The following HYDIN variants were observed in gnomAD, a reference collection of about 807,000 sequenced individuals.
HYDIN encodes HYDIN axonemal central pair apparatus protein.
A neutral mutation model predicts 403.9 loss-of-function variants in HYDIN; 132 were observed. That is an observed-to-expected ratio of 0.33 (90% CI 0.28 to 0.38). HYDIN has a LOEUF of 0.38. Among genes scored for constraint, HYDIN ranks in the 10% least tolerant of loss-of-function variants. The pLI is 1.00. For synonymous variants in HYDIN, 1,202 were observed against 1,891.7 expected (o/e 0.64, Z 9.46); for missense variants, 2,827 against 5,009.5 (o/e 0.56, Z 13.15).
chr16:71,134,339 C>A (rs1209295386), intron 8 of HYDIN, among the ~76,000 whole-genome samples: 1 of 151,834 alleles, frequency 6.6e-6, no homozygotes, highest in African/African-American at 2.4e-5. Context: ...TGAAAGTTTA[C>A]CAGAAGTTAA....
rs576222532 is a variant in HYDIN at position 70,820,193 on chromosome 16, T to C, written c.14428-1621A>G. Among the ~76,000 whole-genome samples the C allele has an allele frequency of 7.6e-4, 97 of 127,658 alleles. 1 individual carries two copies. The highest frequency in any genetic ancestry group is 1.8e-3 in the East Asian group (8 of 4,474). The allele number at this position is 127,658 out of a possible 152,430, so 83.7% of individuals were successfully genotyped here. On this transcript the variant is annotated intron_variant, in intron 83 of 85. Coordinates refer to ENST00000393567, the MANE Select transcript of HYDIN (RefSeq NM_001270974.2). Reference sequence around the variant, plus strand: ...TGATTTTTTTTTCTTTTTTCTTTTTTTTTTTTTTTTTTTTTGAGATGGAGT... The same window carrying C: ...TGATTTTTTTTTCTTTTTTCTTTTTCTTTTTTTTTTTTTTTGAGATGGAGT...
chr16:70,914,223 T>C (rs1435624416), intron 47 of HYDIN, among the ~76,000 whole-genome samples: 1 of 152,150 alleles, frequency 6.6e-6, no homozygotes, highest in Non-Finnish European at 1.5e-5. Context: ...TATTTTTGTT[T>C]TATAGGTCCT....
At chr16:70,853,357 G>T (rs2038794546) in intron 73 of HYDIN, among the ~76,000 whole-genome samples, 1 of 147,388 alleles carries the variant, frequency 6.8e-6, no homozygotes, top group African/African-American at 2.5e-5. Flanking sequence ...TCCATTAATT[G>T]CACTCTTGCT....
intron 83 of HYDIN, among the ~76,000 whole-genome samples, chr16:70,824,646 A>G (rs2036474798): frequency 6.7e-6 from 1 of 149,726 alleles, no homozygotes; most frequent in African/African-American, 2.5e-5. Context: ...TCTTGCCTCA[A>G]TATGGGGTTT....
chr16:70,985,640 C>G (rs995747869), intron 27 of HYDIN, among the ~76,000 whole-genome samples: 3 of 149,520 alleles, frequency 2.0e-5, no homozygotes, highest in Admixed American at 6.7e-5. Flanking sequence ...AAAGATTTGC[C>G]TAGTATTCCA....
At chr16:70,877,187 G>A (rs1254222474) in intron 62 of HYDIN, among the ~76,000 whole-genome samples, 1 of 147,502 alleles carries the variant, frequency 6.8e-6, no homozygotes, top group Non-Finnish European at 1.5e-5. Flanking sequence ...AAAATATAGT[G>A]AGACTAGAGA....
intron 50 of HYDIN, among the ~76,000 whole-genome samples, chr16:70,906,514 T>C (rs117764644): frequency 0.052 from 7,832 of 152,010 alleles, 243 homozygotes; most frequent in Middle Eastern, 0.075. Flanking sequence ...CACTGTGTTG[T>C]CTCAAGGAGC....
chr16:71,190,971 A>C (rs1344930157), intron 1 of HYDIN, among the ~76,000 whole-genome samples: 1 of 152,152 alleles, frequency 6.6e-6, no homozygotes, highest in Non-Finnish European at 1.5e-5. Context: ...CATGAAAGAG[A>C]GAGGAGCAGG....
intron 20 of HYDIN, among the ~76,000 whole-genome samples, chr16:71,026,291 A>T (rs1381318274): frequency 3.3e-5 from 5 of 152,220 alleles, no homozygotes; most frequent in African/African-American, 1.2e-4. Context: ...TTTATAAAGC[A>T]GAAAGGATCA....
chr16:71,047,625 T>C (rs1253576182), intron 18 of HYDIN, among the ~76,000 whole-genome samples: 3 of 151,532 alleles, frequency 2.0e-5, no homozygotes, highest in African/African-American at 7.3e-5. Flanking sequence ...GGCAAAAGAA[T>C]AGATGCCCAC....
rs893811660 is a variant in HYDIN at position 70,805,096 on chromosome 16, C to T, written c.*2484G>A. 6.6e-6 allele frequency among the ~76,000 whole-genome samples: 1 copy of T among 152,208 alleles called. No individual in the cohort carries two copies. Among genetic ancestry groups the T allele is most frequent in the Non-Finnish European group, 1.5e-5 (1 of 68,026 alleles). ...GACCAATTGCTTCCCTTCTCCTAAC[C>T]TATACCTCTGGTGAATAGGTGGAAG... is the stretch of plus-strand genomic sequence containing the variant. On this transcript the variant is annotated 3_prime_UTR_variant, in exon 86 of 86. Coordinates refer to ENST00000393567, the MANE Select transcript of HYDIN (RefSeq NM_001270974.2).
intron 18 of HYDIN, among the ~76,000 whole-genome samples, chr16:71,055,931 A>C (rs2144251484): frequency 1.3e-5 from 2 of 152,168 alleles, no homozygotes; most frequent in South Asian, 4.2e-4. Context: ...GCACCCATTA[A>C]AAGGAGGCAT....
At chr16:70,907,170 A>T (rs1951788689) in intron 50 of HYDIN, among the ~76,000 whole-genome samples, 1 of 152,250 alleles carries the variant, frequency 6.6e-6, no homozygotes, top group African/African-American at 2.4e-5. Flanking sequence ...AGGCTTTCCC[A>T]TATGGGAACA....
Position 70,816,355 on chromosome 16 carries a change from T to C in HYDIN, c.14658+1987A>G, listed in dbSNP as rs1038896298. ...TAATAACCATTAGTTAAAAAAGAAG[T>C]ATTAATCACAAAAATTAGAACCTTT... On this transcript the variant is annotated intron_variant, in intron 84 of 85. Transcript: ENST00000393567. 1.2e-4 allele frequency among the ~76,000 whole-genome samples: 18 copies of C among 151,744 alleles called. No individual in the cohort carries two copies. The East Asian group carries it at 2.3e-3, about 20-fold the overall frequency.
At chr16:70,853,172 CTCTG>C (rs1191261004) in intron 73 of HYDIN, among the ~76,000 whole-genome samples, 2 of 152,110 alleles carry the variant, frequency 1.3e-5, no homozygotes, top group Admixed American at 6.5e-5. Context: ...CAGAGCGAGA[CTCTG>C]TCTAAGAATA....
At chr16:71,047,704 AT>A (rs1306356103) in intron 18 of HYDIN, among the ~76,000 whole-genome samples, 2 of 148,324 alleles carry the variant, frequency 1.3e-5, no homozygotes, top group Non-Finnish European at 3.0e-5. Context: ...TAAATGATAT[AT>A]TTTTCCTTTT....
chr16:70,890,112 TG>T lies in HYDIN; in HGVS notation c.9657-409del, dbSNP rs1203042047. ...TGTATCTTCACATTTATAGTTGTGA[TG>T]TTTTTAAGGTTTAGTATAAGCAGTA... is the stretch of plus-strand genomic sequence containing the variant. On this transcript the variant is annotated intron_variant, in intron 57 of 85. Coordinates refer to ENST00000393567, the MANE Select transcript of HYDIN (RefSeq NM_001270974.2). Among the ~76,000 whole-genome samples, 4 of 152,270 alleles carry T rather than the reference TG, an allele frequency of 2.6e-5. No individual in the cohort carries two copies. In the South Asian group the frequency reaches 6.2e-4, roughly 24 times the overall value.
intron 21 of HYDIN, among the ~76,000 whole-genome samples, chr16:71,023,899 G>C (rs59574088): frequency 0.35 from 53,681 of 151,722 alleles, 11,178 homozygotes; most frequent in Non-Finnish European, 0.47. Flanking sequence ...GGTAATGAAA[G>C]GAACCCCAGT....
At position 70,870,482 on chromosome 16, in the gene HYDIN, G is replaced by C. The variant is rs539100440; in HGVS notation, c.11091+1555C>G. Reference sequence around the variant, plus strand: ...AGAGCTCTGCATCCCAGCCACTCTGGTCATGGCTAAAAGGGGCCAAGGTGT... The same window carrying C: ...AGAGCTCTGCATCCCAGCCACTCTGCTCATGGCTAAAAGGGGCCAAGGTGT... On this transcript the variant is annotated intron_variant, in intron 65 of 85. Coordinates refer to ENST00000393567, the MANE Select transcript of HYDIN (RefSeq NM_001270974.2). Among the ~76,000 whole-genome samples the C allele has an allele frequency of 1.0e-2, 1,507 of 151,272 alleles. 16 individuals carry two copies. The highest frequency in any genetic ancestry group is 0.082 in the Middle Eastern group (24 of 294).
Sources: allele counts gnomAD v4.1 joint callset (sites outside exome capture counted in the v4.1 genomes callset), GRCh38; gene constraint gnomAD v4.1.1; transcripts MANE v1.5; gene names NCBI Gene and HGNC (gene_info 2026-07-23, HGNC 2026-07-21).